Variants in ASTN2 observed in about 807,000 individuals in gnomAD.
ASTN2 encodes astrotactin-2.
Under a neutral mutation model 139.8 loss-of-function variants are expected in ASTN2, and 54 were observed. That is an observed-to-expected ratio of 0.39 (90% CI 0.31 to 0.48). ASTN2 has a LOEUF of 0.48. Ranked by LOEUF, ASTN2 falls within the 20% of genes least tolerant of loss-of-function variation. The pLI is 0.95. For synonymous variants in ASTN2, 756 were observed against 719.5 expected (o/e 1.05, Z -0.81); for missense variants, 1,565 against 1,725.1 (o/e 0.91, Z 1.64).
chr9:116,483,960 T>C (rs900259806), intron 20 of ASTN2, among the ~76,000 whole-genome samples: 25 of 152,172 alleles, frequency 1.6e-4, no homozygotes, highest in African/African-American at 5.8e-4. Flanking sequence ...TTTAAAAGCA[T>C]GGGTGCAGAA....
At chr9:117,007,283 T>A (rs1237314256) in intron 7 of ASTN2, among the ~76,000 whole-genome samples, 3 of 152,106 alleles carry the variant, frequency 2.0e-5, no homozygotes, top group Non-Finnish European at 4.4e-5. Context: ...CCGGCATCTA[T>A]CATCACCTAA....
rs560719924 is a variant in ASTN2 at position 116,534,561 on chromosome 9, A to T, written c.3356-47061T>A. The stretch of plus-strand genomic sequence containing the variant: ...GTCCCAGAGATTCTTGTATGTTATG[A>T]CTTTGTTCTCTTTGATTTCAAAGAA... On this transcript the variant is annotated intron_variant, in intron 19 of 22. Coordinates refer to ENST00000313400, the MANE Select transcript of ASTN2 (RefSeq NM_001365068.1). 3.3e-5 allele frequency among the ~76,000 whole-genome samples: 5 copies of T among 152,076 alleles called. No homozygotes were observed. The East Asian group carries it at 9.7e-4, about 29-fold the overall frequency.
chr9:117,337,504 C>T (rs1205824080), intron 1 of ASTN2, among the ~76,000 whole-genome samples: 1 of 152,152 alleles, frequency 6.6e-6, no homozygotes, highest in African/African-American at 2.4e-5. Flanking sequence ...TTGTTCTTTT[C>T]ATTCTTATAA....
intron 1 of ASTN2, among the ~76,000 whole-genome samples, chr9:117,404,578 G>A (rs1318651151): frequency 6.6e-6 from 1 of 152,088 alleles, no homozygotes; most frequent in Non-Finnish European, 1.5e-5. Flanking sequence ...GTATAATATA[G>A]ATCCCACATT....
intron 4 of ASTN2, among the ~76,000 whole-genome samples, chr9:117,135,748 A>C (rs1208276611): frequency 6.6e-6 from 1 of 152,194 alleles, no homozygotes; most frequent in Admixed American, 6.6e-5. Flanking sequence ...AATGCTTCAC[A>C]GAGCAGATGC....
At chr9:116,496,089 CCACT>C (rs1487314466) in intron 19 of ASTN2, among the ~76,000 whole-genome samples, 1 of 152,188 alleles carries the variant, frequency 6.6e-6, no homozygotes, top group Non-Finnish European at 1.5e-5. Flanking sequence ...CCTTCTCTGG[CCACT>C]CAGTCTACAG....
Position 116,698,760 on chromosome 9 carries a change from C to T in ASTN2, c.2806+27011G>A. The stretch of plus-strand genomic sequence containing the variant: ...AGTGGTTGCCAGCCCTAGGGCCTCA[C>T]CTGCTAAACAGCGGGGTCCTGAGGC... On this transcript the variant is annotated intron_variant, in intron 16 of 22. Transcript: ENST00000313400. The surrounding 1 kb of genome is among the most constrained non-coding windows in gnomAD (Gnocchi z 4.4). 2 of 1,614,172 alleles carry T rather than the reference C, an allele frequency of 1.2e-6. No individual in the cohort carries two copies. Among genetic ancestry groups the T allele is most frequent in the South Asian group, 1.1e-5 (1 of 91,086 alleles).
At chr9:116,640,539 T>G (rs981564673) in intron 17 of ASTN2, among the ~76,000 whole-genome samples, 2 of 152,188 alleles carry the variant, frequency 1.3e-5, no homozygotes, top group African/African-American at 4.8e-5. Flanking sequence ...CTACAGGGAA[T>G]AGCCTGTGCA....
At chr9:117,203,101 T>C (rs1384658701) in intron 3 of ASTN2, among the ~76,000 whole-genome samples, 1 of 151,714 alleles carries the variant, frequency 6.6e-6, no homozygotes, top group African/African-American at 2.4e-5. Flanking sequence ...CAAACTCTGA[T>C]ATCCTTTCTT....
At chr9:117,118,452 A>C (rs879880784) in intron 4 of ASTN2, among the ~76,000 whole-genome samples, 1 of 151,108 alleles carries the variant, frequency 6.6e-6, no homozygotes, top group Non-Finnish European at 1.5e-5. Flanking sequence ...CATCACCTCC[A>C]CAGCTGCAAC....
chr9:117,148,968 C>T (rs1214601091), intron 3 of ASTN2, among the ~76,000 whole-genome samples: 2 of 151,906 alleles, frequency 1.3e-5, no homozygotes, highest in Middle Eastern at 3.4e-3. Context: ...TTGCCAGCCT[C>T]CACAATGACA....
In ASTN2 at chr9:117,184,336, C is replaced by T. The variant is rs371986263; in HGVS notation, c.1015+30022G>A. Among the ~76,000 whole-genome samples, 6 of 152,310 alleles carry T rather than the reference C, an allele frequency of 3.9e-5. No homozygotes were observed. The South Asian group carries it at 8.3e-4, about 21-fold the overall frequency. ...GCAGGCAGACTGTCTGTCCATGGGG[C>T]GAGGCTGCTTCCTGGGGTGATGAAC... On this transcript the variant is annotated intron_variant, in intron 3 of 22. Coordinates refer to ENST00000313400, the MANE Select transcript of ASTN2 (RefSeq NM_001365068.1).
intron 3 of ASTN2, among the ~76,000 whole-genome samples, chr9:117,209,862 T>C (rs185793383): frequency 1.4e-3 from 213 of 152,260 alleles, no homozygotes; most frequent in African/African-American, 5.0e-3. Flanking sequence ...ATATCTTATC[T>C]GACCACAGTG....
chr9:116,438,168 C>G (rs1454885102), intron 22 of ASTN2, among the ~76,000 whole-genome samples: 2 of 152,198 alleles, frequency 1.3e-5, no homozygotes, highest in African/African-American at 4.8e-5. Flanking sequence ...CCAATGCCAC[C>G]CTGGCCTAGA....
rs1231626113 is a variant in ASTN2, at chr9:116,565,249, CACACACACAT to C, written c.3355+53065_3355+53074del. ...ACACACACACACACACACACACACA[CACACACACAT>C]ATGCCCCATACTGAGGAGATTAACA... On this transcript the variant is annotated intron_variant, in intron 19 of 22. Coordinates refer to ENST00000313400, the MANE Select transcript of ASTN2 (RefSeq NM_001365068.1). Among the ~76,000 whole-genome samples, 499 of 137,832 alleles carry C rather than the reference CACACACACAT, an allele frequency of 3.6e-3. 5 individuals carry two copies. Among genetic ancestry groups the C allele is most frequent in the African/African-American group, 0.016 (477 of 29,970 alleles). The allele number at this position is 137,832 out of a possible 152,430, so 90.4% of individuals were successfully genotyped here. A position where few individuals can be genotyped will look rare whatever the true frequency, so the allele number is the denominator to read the frequency against.
At chr9:116,546,786 T>TTTACTAAA (rs1852113246) in intron 19 of ASTN2, 1 of 152,186 alleles carries the variant, frequency 6.6e-6, no homozygotes, top group Admixed American at 6.5e-5. Context: ...TAACAGACTT[T>TTTACTAAA]TTACTAAATT....
intron 4 of ASTN2, among the ~76,000 whole-genome samples, chr9:117,123,186 C>T (rs1028899208): frequency 7.9e-5 from 12 of 152,000 alleles, no homozygotes; most frequent in Admixed American, 7.2e-4. Context: ...CAAGTTCCCA[C>T]GGGATGCTGA....
intron 10 of ASTN2, among the ~76,000 whole-genome samples, chr9:116,951,712 T>G (rs2132487428): frequency 6.6e-6 from 1 of 152,334 alleles, no homozygotes; most frequent in African/African-American, 2.4e-5. Flanking sequence ...TCTGTAAGCA[T>G]GCAATCACCA....
chr9:117,411,210 C>T (rs899711945), intron 1 of ASTN2, among the ~76,000 whole-genome samples: 1 of 152,084 alleles, frequency 6.6e-6, no homozygotes, highest in Non-Finnish European at 1.5e-5. Flanking sequence ...ATTAATAATA[C>T]AAGGCAGGAA....
Sources: allele counts gnomAD v4.1 joint callset (sites outside exome capture counted in the v4.1 genomes callset), GRCh38; gene constraint gnomAD v4.1.1; non-coding constraint Gnocchi (gnomAD v3.1); transcripts MANE v1.5; gene names NCBI Gene and HGNC (gene_info 2026-07-23, HGNC 2026-07-21).